GPM6B: variants seen among roughly 807,000 people sequenced by gnomAD.
GPM6B encodes glycoprotein M6B.
GPM6B carries 4 observed loss-of-function variants against 27.2 expected under a neutral mutation model. That is an observed-to-expected ratio of 0.15 (90% CI 0.07 to 0.34). GPM6B has a LOEUF of 0.34. Ranked by LOEUF, GPM6B falls within the 10% of genes least tolerant of loss-of-function variation. GPM6B has a pLI of 1.00. For synonymous variants in GPM6B, 124 were observed against 103.1 expected, an observed-to-expected ratio of 1.20 and a Z score of -1.23; for missense variants, 183 against 261.9, an observed-to-expected ratio of 0.70 and a Z score of 2.08.
At chrX:13,840,007 G>A (rs143419513) in intron 1 of GPM6B, among the ~76,000 whole-genome samples, 1,568 of 111,310 alleles carry the variant, frequency 0.014, 28 homozygotes, top group African/African-American at 0.048. Flanking sequence ...AGAATAGAAC[G>A]CCCTGAAATA....
chrX:13,884,427 T>C (rs1180016639), intron 1 of GPM6B, among the ~76,000 whole-genome samples: 1 of 112,107 alleles, frequency 8.9e-6, no homozygotes, highest in African/African-American at 3.2e-5. Flanking sequence ...AGACTCTGAA[T>C]GACAAATGAA....
chrX:13,784,400 C>T (rs1602985127), intron 3 of GPM6B, among the ~76,000 whole-genome samples: 2 of 112,034 alleles, frequency 1.8e-5, no homozygotes, highest in South Asian at 7.4e-4. Context: ...CCCTGTCCTG[C>T]TTGAGCCCTC....
intron 1 of GPM6B, among the ~76,000 whole-genome samples, chrX:13,855,636 T>G (rs778917005): frequency 8.9e-5 from 10 of 112,172 alleles, no homozygotes; most frequent in Admixed American, 2.8e-4. Context: ...GAATAATCAG[T>G]GTACGGTCAA....
intron 1 of GPM6B, among the ~76,000 whole-genome samples, chrX:13,912,980 T>A (rs2050391393): frequency 8.9e-6 from 1 of 112,809 alleles, no homozygotes; most frequent in Non-Finnish European, 1.9e-5. Context: ...ATACAGCATA[T>A]ACTTTAGTTA....
chrX:13,799,206 T>C (rs1694269857), intron 2 of GPM6B, among the ~76,000 whole-genome samples: 1 of 56,936 alleles, frequency 1.8e-5, no homozygotes, highest in African/African-American at 6.8e-5. Flanking sequence ...TTTTTTTTTT[T>C]TTTTTTTTTT....
chrX:13,807,832 T>A, intron 1 of GPM6B, 63 bp from the exon 2 acceptor site: 1 of 1,027,513 alleles, frequency 9.7e-7, no homozygotes, highest in Non-Finnish European at 1.3e-6. Flanking sequence ...TATATCAGCA[T>A]TTTTATTTAT....
At chrX:13,810,129 GA>G (rs778515124) in intron 1 of GPM6B, among the ~76,000 whole-genome samples, 1 of 109,733 alleles carries the variant, frequency 9.1e-6, no homozygotes, top group Non-Finnish European at 1.9e-5. Context: ...AAAAAAGAAA[GA>G]AAAAAAACCC....
At chrX:13,837,520 C>T (rs2049511541) in intron 1 of GPM6B, among the ~76,000 whole-genome samples, 1 of 111,486 alleles carries the variant, frequency 9.0e-6, no homozygotes, top group African/African-American at 3.3e-5. Flanking sequence ...CCTATTCATC[C>T]CCTTTCTCTC....
chrX:13,904,409 G>A (rs1008671827), intron 1 of GPM6B, among the ~76,000 whole-genome samples: 1 of 111,943 alleles, frequency 8.9e-6, no homozygotes, highest in South Asian at 3.8e-4. Context: ...TTAGAGGTTA[G>A]TGACAATACA....
intron 1 of GPM6B, among the ~76,000 whole-genome samples, chrX:13,893,152 T>C (rs936367118): frequency 8.9e-6 from 1 of 112,135 alleles, no homozygotes; most frequent in African/African-American, 3.2e-5. Flanking sequence ...GGCCATTTTA[T>C]GATCAGATTT....
At chrX:13,876,686 C>T (rs2050036830) in intron 1 of GPM6B, among the ~76,000 whole-genome samples, 1 of 110,523 alleles carries the variant, frequency 9.0e-6, no homozygotes, top group Admixed American at 9.7e-5. Context: ...GCAGAAGGAA[C>T]TTTAAGCCTG....
At chrX:13,798,803 T>C (rs958387652) in intron 2 of GPM6B, among the ~76,000 whole-genome samples, 3 of 112,668 alleles carry the variant, frequency 2.7e-5, no homozygotes, top group Non-Finnish European at 5.6e-5. Flanking sequence ...TGGGCCATCC[T>C]TTGTTGGGGA....
At chrX:13,860,193 A>C (rs906715448) in intron 1 of GPM6B, among the ~76,000 whole-genome samples, 4 of 112,397 alleles carry the variant, frequency 3.6e-5, no homozygotes, top group African/African-American at 1.3e-4. Flanking sequence ...GACAATCTTC[A>C]CTACAATTTT....
At chrX:13,780,918 G>A (rs1281344198) in intron 4 of GPM6B, 1 of 317,385 alleles carries the variant, frequency 3.2e-6, no homozygotes, top group South Asian at 2.8e-5. Flanking sequence ...GAGATACCTG[G>A]GCGGTTGGAG....
intron 1 of GPM6B, among the ~76,000 whole-genome samples, chrX:13,905,249 AAAG>A: frequency 9.4e-6 from 1 of 106,374 alleles, no homozygotes; most frequent in Non-Finnish European, 1.9e-5. Flanking sequence ...AAAAAAAAGA[AAAG>A]AAAAGAAAAG....
intron 1 of GPM6B, among the ~76,000 whole-genome samples, chrX:13,824,737 C>A (rs777809027): frequency 9.5e-4 from 106 of 111,730 alleles, no homozygotes; most frequent in Non-Finnish European, 1.5e-3. Context: ...CAGCTTGGAT[C>A]CCTAAAAGGA....
intron 1 of GPM6B, among the ~76,000 whole-genome samples, chrX:13,869,842 T>C (rs746829793): frequency 1.8e-5 from 2 of 112,224 alleles, no homozygotes; most frequent in Non-Finnish European, 3.8e-5. Flanking sequence ...GGCACAATGC[T>C]GTTAACTAAA....
intron 1 of GPM6B, among the ~76,000 whole-genome samples, chrX:13,857,613 G>A (rs932114037): frequency 8.9e-6 from 1 of 112,302 alleles, no homozygotes; most frequent in Admixed American, 9.4e-5. Context: ...ATAGAGACTA[G>A]CATGTTTTAC....
At chrX:13,824,290 G>A (rs375440220) in intron 1 of GPM6B, among the ~76,000 whole-genome samples, 12 of 112,274 alleles carry the variant, frequency 1.1e-4, no homozygotes, top group East Asian at 8.4e-4. Context: ...CTTTTCTTCC[G>A]TAAGCTTTGT....
Sources: allele counts gnomAD v4.1 joint callset (sites outside exome capture counted in the v4.1 genomes callset), GRCh38; gene constraint gnomAD v4.1.1; transcripts MANE v1.5; gene names NCBI Gene and HGNC (gene_info 2026-07-23, HGNC 2026-07-21).